The following DMBT1 variants were observed in gnomAD, a reference collection of about 807,000 sequenced individuals.
DMBT1 encodes scavenger receptor cysteine-rich domain-containing protein DMBT1.
A neutral mutation model predicts 252.9 loss-of-function variants in DMBT1; 198 were observed. That is an observed-to-expected ratio of 0.78 (90% confidence interval 0.70 to 0.88). The LOEUF (loss-of-function observed/expected upper bound fraction) is 0.88. DMBT1 is among the 40% of genes least tolerant of loss of function. DMBT1 has a pLI of 0.00. For synonymous variants in DMBT1, 990 were observed against 942.7 expected (o/e 1.05, Z -0.92); for missense variants, 2,432 against 2,404.7 (o/e 1.01, Z -0.24).
intron 16 of DMBT1, among the ~76,000 whole-genome samples, chr10:122,587,248 G>A (rs2097798030): frequency 1.3e-5 from 2 of 148,580 alleles, no homozygotes; most frequent in Admixed American, 1.3e-4. Context: ...TGACTGGGAG[G>A]ATTCCAGAAC....
chr10:122,633,220 C>A lies in DMBT1; in HGVS notation c.6427C>A (p.Gln2143Lys). 2 of 1,614,028 alleles carry A rather than the reference C, an allele frequency of 1.2e-6. No individual in the cohort carries two copies. The highest frequency in any genetic ancestry group is 4.5e-5 in the East Asian group (2 of 44,884). Residue 2143 changes from glutamine (Q) to lysine (K), a missense_variant, in exon 52 of 56, where the codon CAA becomes AAA. By Grantham distance (53) the Gln-to-Lys change is moderately conservative. This residue lies in a region of DMBT1 where 1,162 missense variants were observed against 1,169.0 expected (regional missense o/e 0.99). Coordinates refer to ENST00000338354, the MANE Select transcript of DMBT1 (RefSeq NM_001377530.1). ...TDYSCGGFLS[Q>K]PSGDFSSPFY... ...TTATTCCTGCGGAGGCTTCCTATCC[C>A]AACCATCAGGGGACTTTTCCAGCCC...
At chr10:122,592,198 C>A in intron 19 of DMBT1, 74 bp from the exon 20 acceptor site, 1 of 1,557,504 alleles carries the variant, frequency 6.4e-7, no homozygotes, top group Non-Finnish European at 8.7e-7. Flanking sequence ...TAGGAAGTAC[C>A]CTGAGTGTGG....
chr10:122,561,168 C>T (rs2097542478), intron 1 of DMBT1, among the ~76,000 whole-genome samples: 1 of 152,174 alleles, frequency 6.6e-6, no homozygotes, highest in Admixed American at 6.5e-5. Context: ...TTAAACTTTG[C>T]AACAATTGGT....
rs192401208 is a variant in DMBT1, at chr10:122,617,701, G to T, written c.4892-316G>T. 9.2e-5 allele frequency among the ~76,000 whole-genome samples: 14 copies of T among 151,758 alleles called. 2 individuals are homozygous for T. The East Asian group carries it at 2.4e-3, about 26-fold the overall frequency. On this transcript the variant is annotated intron_variant, in intron 40 of 55. Transcript: ENST00000338354. Reference sequence around the variant, plus strand: ...CACCAAACTCTTAAACATGGGGCCAGCATGGGCCTGCTCTCTGGAGCTGTG... The same window carrying T: ...CACCAAACTCTTAAACATGGGGCCATCATGGGCCTGCTCTCTGGAGCTGTG...
In DMBT1 at chr10:122,621,222, C is replaced by T. The variant is rs202031071; in HGVS notation, c.5450C>T (p.Ser1817Leu). The part of the protein sequence containing the change: ...CRQLGCGWAM[S>L]APGNARFGQG... ...CAGCTGGGCTGTGGCTGGGCCATGTCGGCCCCAGGAAATGCCCGGTTTGGC... is the reference window on the plus strand; with the variant it reads ...CAGCTGGGCTGTGGCTGGGCCATGTTGGCCCCAGGAAATGCCCGGTTTGGC... Residue 1817 changes from serine (S) to leucine (L), a missense_variant, in exon 44 of 56, where the codon TCG (serine) becomes TTG (leucine). Transcript: ENST00000338354. The T allele has an allele frequency of 2.9e-4, 476 of 1,613,830 alleles. 1 individual carries two copies. The African/African-American group carries it at 5.6e-3, about 19-fold the overall frequency.
At chr10:122,599,235 A>T in intron 26 of DMBT1, 138 bp downstream of exon 26, 1 of 1,487,948 alleles carries the variant, frequency 6.7e-7, no homozygotes, top group South Asian at 1.4e-5. Context: ...GCTCTCTGCT[A>T]AGAATCCCTA....
At chr10:122,586,574 A>G (rs2097791645) in intron 16 of DMBT1, among the ~76,000 whole-genome samples, 191 bp downstream of exon 16, 2 of 148,426 alleles carry the variant, frequency 1.3e-5, no homozygotes, top group Admixed American at 6.7e-5. Context: ...AGAGAGGACA[A>G]TGGGCCAAAG....
At position 122,585,135 on chromosome 10, in the gene DMBT1, A is replaced by C; in HGVS notation, c.1421-136A>C. 2.5e-6 allele frequency: 3 copies of C among 1,186,508 alleles called. 1 individual carries two copies. The highest frequency in any genetic ancestry group is 3.7e-6 in the Non-Finnish European group (3 of 817,644). The allele number at this position is 1,186,508 out of a possible 1,614,324, so 73.5% of individuals were successfully genotyped here. On this transcript the variant is annotated intron_variant, in intron 14 of 55. Coordinates refer to ENST00000338354, the MANE Select transcript of DMBT1 (RefSeq NM_001377530.1). ...AGCTTGCTGAGCTGCAGACTTGGGCAGACACATGGGGAGCAAAGTGGCAGG... is the reference window on the plus strand; with the variant it reads ...AGCTTGCTGAGCTGCAGACTTGGGCCGACACATGGGGAGCAAAGTGGCAGG...
At chr10:122,570,322 G>C in intron 3 of DMBT1, 113 bp downstream of exon 3, 2 of 943,650 alleles carry the variant, frequency 2.1e-6, no homozygotes, top group Non-Finnish European at 3.4e-6. Flanking sequence ...CTGGCATTCA[G>C]TGTTTGGGCT....
At chr10:122,591,214 G>A (rs2097846967) in intron 18 of DMBT1, among the ~76,000 whole-genome samples, 1 of 148,832 alleles carries the variant, frequency 6.7e-6, no homozygotes, top group Admixed American at 6.7e-5. Context: ...CCATGTGTCA[G>A]TGGATGGGGC....
Position 122,590,711 on chromosome 10 carries a change from C to T in DMBT1, c.2137+17C>T. Reference sequence around the variant, plus strand: ...CCAGGCCAGGTGAGTCCCCAGTGTCCTTCCTTGGGATGTCCCTTTTCTTTC... The same window carrying T: ...CCAGGCCAGGTGAGTCCCCAGTGTCTTTCCTTGGGATGTCCCTTTTCTTTC... On this transcript the variant is annotated intron_variant, in intron 18 of 55. Coordinates refer to ENST00000338354, the MANE Select transcript of DMBT1 (RefSeq NM_001377530.1). 1 of 1,586,194 alleles carries T rather than the reference C, an allele frequency of 6.3e-7. No individual in the cohort carries two copies. Among genetic ancestry groups the T allele is most frequent in the African/African-American group, 1.3e-5 (1 of 74,578 alleles).
rs763180113 is a variant in DMBT1, at chr10:122,585,341, C to T, written c.1459+32C>T. ...AATCCTCTCGCCCCTCCCTAGGGCT[C>T]ACTCTCTACCTCTGGACAAATGTTT... is the stretch of plus-strand genomic sequence containing the variant. On this transcript the variant is annotated intron_variant, in intron 15 of 55. Coordinates refer to ENST00000338354, the MANE Select transcript of DMBT1 (RefSeq NM_001377530.1). 36 of 1,576,666 alleles carry T rather than the reference C, an allele frequency of 2.3e-5. 6 individuals are homozygous for T. The South Asian group carries it at 3.9e-4, about 17-fold the overall frequency.
At chr10:122,624,472 T>A (rs191977889) in intron 44 of DMBT1, among the ~76,000 whole-genome samples, 3 of 152,344 alleles carry the variant, frequency 2.0e-5, no homozygotes, top group African/African-American at 7.2e-5. Context: ...GAACTTCACT[T>A]GACCTCAGAT....
chr10:122,578,352 A>C (rs1014150778), intron 8 of DMBT1, among the ~76,000 whole-genome samples: 2 of 152,182 alleles, frequency 1.3e-5, no homozygotes, highest in African/African-American at 4.8e-5. Flanking sequence ...AGGAAACCTG[A>C]TTTCCCCCAG....
Position 122,588,765 on chromosome 10 carries a change from A to G in DMBT1, c.1784-179A>G, listed in dbSNP as rs2097819427. Reference sequence around the variant, plus strand: ...TTGAGCCTTCATAAACCCAAGGAGAATAGTGTATCACCTCTCCTTCTACTG... The same window carrying G: ...TTGAGCCTTCATAAACCCAAGGAGAGTAGTGTATCACCTCTCCTTCTACTG... On this transcript the variant is annotated intron_variant, in intron 16 of 55. Coordinates refer to ENST00000338354, the MANE Select transcript of DMBT1 (RefSeq NM_001377530.1). 1.3e-5 allele frequency among the ~76,000 whole-genome samples: 2 copies of G among 148,794 alleles called. 1 individual carries two copies. The highest frequency in any genetic ancestry group is 3.0e-5 in the Non-Finnish European group (2 of 66,780).
intron 46 of DMBT1, among the ~76,000 whole-genome samples, chr10:122,627,502 A>G (rs1443654258): frequency 1.3e-5 from 2 of 152,196 alleles, no homozygotes; most frequent in Non-Finnish European, 2.9e-5. Context: ...AGGTTTAATG[A>G]CTATATGATT....
intron 6 of DMBT1, among the ~76,000 whole-genome samples, chr10:122,575,515 G>GT (rs1003036667): frequency 1.3e-5 from 2 of 151,632 alleles, no homozygotes; most frequent in Admixed American, 6.6e-5. Context: ...ATATTTTCTG[G>GT]TTTTTTTTGG....
chr10:122,588,918 T>G, intron 16 of DMBT1, 26 bp from the exon 17 acceptor site: 2 of 1,587,068 alleles, frequency 1.3e-6, no homozygotes, highest in Non-Finnish European at 1.7e-6. Context: ...TAGGGATTGA[T>G]GAAGGGTTCT....
chr10:122,631,269 G>C lies in DMBT1; in HGVS notation c.6334G>C (p.Val2112Leu). ...HNCNHREDAGVICSGNHLSTP... is the reference protein window; with the variant it reads ...HNCNHREDAGLICSGNHLSTP... ...CTGTAATCATCGTGAAGATGCTGGT[G>C]TCATCTGCTCAGGTATGGCCCAATG... Residue 2112 changes from valine to leucine, a missense_variant, in exon 49 of 56, where the codon GTC becomes CTC. Val to Leu is a conservative substitution (Grantham distance 32). Coordinates refer to ENST00000338354, the MANE Select transcript of DMBT1 (RefSeq NM_001377530.1). The C allele has an allele frequency of 6.2e-7, 1 of 1,613,974 alleles. No individual in the cohort carries two copies. The highest frequency in any genetic ancestry group is 8.5e-7 in the Non-Finnish European group (1 of 1,179,858).
Sources: allele counts gnomAD v4.1 joint callset (sites outside exome capture counted in the v4.1 genomes callset), GRCh38; gene constraint gnomAD v4.1.1; regional missense constraint gnomAD v4.1.1; transcripts MANE v1.5; gene names NCBI Gene and HGNC (gene_info 2026-07-23, HGNC 2026-07-21).